SOX5: variants seen among roughly 807,000 people sequenced by gnomAD.
SOX5 encodes transcription factor SOX-5.
In SOX5, 9 loss-of-function variants were observed where a neutral mutation model predicts 92.0. The observed-to-expected ratio is 0.10, with a 90% CI of 0.06 to 0.17. The LOEUF (loss-of-function observed/expected upper bound fraction) is 0.17. Ranked by LOEUF, SOX5 falls within the 10% of genes least tolerant of loss-of-function variation. The probability of loss-of-function intolerance (pLI) is 1.00; values close to 1 mark genes in which losing one functional copy is unlikely to be tolerated. For missense variants in SOX5, 642 were observed against 944.5 expected, an observed-to-expected ratio of 0.68 and a Z score of 4.20; for synonymous variants, 344 against 336.3, an observed-to-expected ratio of 1.02 and a Z score of -0.25.
rs566980561 is a variant in SOX5, at chr12:24,071,354, A to C, written c.-2+141989T>G. ...CATGTAAGGCAGCTATTGCTATATC[A>C]ATTAGGCAGATGGCTCAAGAAGGTG... is the stretch of plus-strand genomic sequence containing the variant. On this transcript the variant is annotated intron_variant, in intron 4 of 4. Coordinates refer to the SOX5 transcript ENST00000446891. Among the ~76,000 whole-genome samples the C allele has an allele frequency of 2.0e-5, 3 of 152,346 alleles. No homozygotes were observed. The East Asian group carries it at 5.8e-4, about 29-fold the overall frequency.
At chr12:23,621,082 C>G (rs74071331) in intron 8 of SOX5, among the ~76,000 whole-genome samples, 2,383 of 152,132 alleles carry the variant, frequency 0.016, 55 homozygotes, top group African/African-American at 0.055. Context: ...ACTTATACAT[C>G]CACAATTCTT....
At chr12:23,576,862 G>A (rs536301914) in intron 9 of SOX5, among the ~76,000 whole-genome samples, 15 of 151,556 alleles carry the variant, frequency 9.9e-5, no homozygotes, top group East Asian at 3.9e-4. Flanking sequence ...ATTTATCAAC[G>A]TTTACAATAT....
At chr12:24,557,657 G>A (rs7132989) in intron 1 of SOX5, among the ~76,000 whole-genome samples, 47,413 of 151,922 alleles carry the variant, frequency 0.31, 8,915 homozygotes, top group East Asian at 0.81. Context: ...TCATCCCTAT[G>A]ACTACTGTAT....
chr12:24,441,515 G>C (rs966604044), intron 1 of SOX5, among the ~76,000 whole-genome samples: 3 of 152,144 alleles, frequency 2.0e-5, no homozygotes, highest in African/African-American at 7.2e-5. Flanking sequence ...ATCGGAGCTT[G>C]CTTTTAGCAC....
chr12:23,796,823 A>C (rs2142062930), intron 3 of SOX5, among the ~76,000 whole-genome samples: 1 of 149,876 alleles, frequency 6.7e-6, no homozygotes, highest in South Asian at 2.1e-4. Context: ...TGTATATTTA[A>C]ACATTTTTTC....
At chr12:23,850,648 A>T (rs531944720) in intron 2 of SOX5, among the ~76,000 whole-genome samples, 1 of 152,124 alleles carries the variant, frequency 6.6e-6, no homozygotes, top group South Asian at 2.1e-4. Flanking sequence ...GAGGTACCAA[A>T]TTGAATTTAG....
intron 3 of SOX5, among the ~76,000 whole-genome samples, chr12:24,232,814 T>C (rs538327036): frequency 2.6e-5 from 4 of 152,328 alleles, no homozygotes; most frequent in South Asian, 2.1e-4. Flanking sequence ...TTTTCCACTA[T>C]TGAGAAATTG....
chr12:23,628,117 T>C (rs1033238119), intron 8 of SOX5, among the ~76,000 whole-genome samples: 1 of 152,044 alleles, frequency 6.6e-6, no homozygotes, highest in Admixed American at 6.6e-5. Flanking sequence ...TATTGTTTGG[T>C]TTAACTTTTT....
chr12:23,847,294 G>T (rs908918362), intron 2 of SOX5, among the ~76,000 whole-genome samples: 1 of 151,872 alleles, frequency 6.6e-6, no homozygotes, highest in Non-Finnish European at 1.5e-5. Context: ...TTAAAAGTTC[G>T]CATTAAAATA....
chr12:23,875,325 T>C (rs2096916399), intron 2 of SOX5, among the ~76,000 whole-genome samples: 1 of 152,194 alleles, frequency 6.6e-6, no homozygotes, highest in South Asian at 2.1e-4. Context: ...TGTTTGTTTG[T>C]ATCATTAGGA....
intron 3 of SOX5, among the ~76,000 whole-genome samples, chr12:23,759,034 C>G (rs899688815): frequency 0.019 from 195 of 10,104 alleles, no homozygotes; most frequent in African/African-American, 0.024. Context: ...CACACAGACA[C>G]ACACACACAC....
chr12:24,424,675 T>A (rs1378972433), intron 1 of SOX5, among the ~76,000 whole-genome samples: 1 of 152,126 alleles, frequency 6.6e-6, no homozygotes, highest in East Asian at 1.9e-4. Context: ...TCCTTTTCTG[T>A]CACTTCATGC....
chr12:24,105,640 A>G (rs1946587934), intron 4 of SOX5, among the ~76,000 whole-genome samples: 1 of 152,218 alleles, frequency 6.6e-6, no homozygotes, highest in East Asian at 1.9e-4. Context: ...AACTAAATAT[A>G]TTGTGAAATA....
At chr12:24,269,943 C>A (rs118166858) in intron 3 of SOX5, among the ~76,000 whole-genome samples, 125 of 150,564 alleles carry the variant, frequency 8.3e-4, no homozygotes, top group Middle Eastern at 3.4e-3. Context: ...CCTCAGTCTC[C>A]CCAAATCCTG....
At chr12:24,087,051 T>C (rs767385970) in intron 4 of SOX5, among the ~76,000 whole-genome samples, 1 of 152,054 alleles carries the variant, frequency 6.6e-6, no homozygotes, top group Non-Finnish European at 1.5e-5. Context: ...TTTAAATATA[T>C]GTTTAATTAA....
intron 4 of SOX5, among the ~76,000 whole-genome samples, chr12:23,753,753 C>A (rs2094264324): frequency 6.6e-6 from 1 of 151,676 alleles, no homozygotes; most frequent in Non-Finnish European, 1.5e-5. Flanking sequence ...TGTGCCTGAC[C>A]CCAACAAGAA....
At chr12:24,244,517 G>A (rs1396502308) in intron 3 of SOX5, among the ~76,000 whole-genome samples, 3 of 152,086 alleles carry the variant, frequency 2.0e-5, no homozygotes, top group Non-Finnish European at 2.9e-5. Flanking sequence ...TTAAACACTT[G>A]GGTGCTAGCA....
chr12:23,993,131 C>T (rs1313830938), intron 4 of SOX5, among the ~76,000 whole-genome samples: 1 of 152,132 alleles, frequency 6.6e-6, no homozygotes, highest in Non-Finnish European at 1.5e-5. Flanking sequence ...TTAAAACCTA[C>T]ACTCTGGTCT....
At chr12:23,953,568 T>A (rs923210293), upstream of SOX5, among the ~76,000 whole-genome samples, 6 of 152,028 alleles carry the variant, frequency 3.9e-5, no homozygotes, top group Admixed American at 2.0e-4. Context: ...AAAAGAATTT[T>A]AAAAAGTTAT....
Sources: gnomAD v4.1 joint callset for allele counts (sites outside exome capture counted in the v4.1 genomes callset) on GRCh38, gnomAD v4.1.1 for gene constraint, MANE v1.5 for transcripts, NCBI Gene and HGNC (gene_info 2026-07-23, HGNC 2026-07-21) for gene names.